The following SLCO2A1 variants were observed in gnomAD, a reference collection of about 807,000 sequenced individuals.
SLCO2A1 encodes solute carrier organic anion transporter family member 2A1.
In SLCO2A1, 60 loss-of-function variants were observed where a neutral mutation model predicts 71.7. The ratio of observed to expected loss-of-function variants is 0.84; its 90% CI spans 0.68 to 1.04. SLCO2A1 has a LOEUF of 1.04. Among genes scored for constraint, SLCO2A1 ranks in the 50% least tolerant of loss-of-function variants. SLCO2A1 has a pLI of 0.00. For missense variants in SLCO2A1, 745 were observed against 813.4 expected (o/e 0.92, Z 1.02); for synonymous variants, 308 against 326.7 (o/e 0.94, Z 0.62).
At position 133,984,254 on chromosome 3, in the gene SLCO2A1, C is replaced by T. The variant is rs534875590; in HGVS notation, c.97-4636G>A. 7.6e-4 allele frequency among the ~76,000 whole-genome samples: 115 copies of T among 152,286 alleles called. 2 individuals carry two copies. The South Asian group carries it at 0.021, about 27-fold the overall frequency. ...ACAGAAATTCCCCCACTTTCTCCCC[C>T]GTGCTACTGGGTGAAAGACTCTAGC... is the stretch of plus-strand genomic sequence containing the variant. On this transcript the variant is annotated intron_variant, in intron 1 of 13. Transcript: ENST00000310926.
chr3:133,994,272 T>C (rs905022206), intron 1 of SLCO2A1, among the ~76,000 whole-genome samples: 1 of 152,210 alleles, frequency 6.6e-6, no homozygotes, highest in African/African-American at 2.4e-5. Context: ...TTGTTTACAG[T>C]TGAGGCACTG....
chr3:133,964,938 G>A (rs988513998), intron 3 of SLCO2A1, among the ~76,000 whole-genome samples: 4 of 152,184 alleles, frequency 2.6e-5, no homozygotes, highest in Admixed American at 2.0e-4. Context: ...CTCATCATCA[G>A]AGCTGGTTCT....
chr3:133,966,205 G>GGATAGCAATAGATATCT (rs1934161486), intron 3 of SLCO2A1, among the ~76,000 whole-genome samples: 1 of 152,200 alleles, frequency 6.6e-6, no homozygotes, highest in Admixed American at 6.5e-5. Flanking sequence ...TATCTATTGG[G>GGATAGCAATAGATATCT]AAGGGGAACT....
At chr3:133,991,022 A>G (rs1280155628) in intron 1 of SLCO2A1, among the ~76,000 whole-genome samples, 1 of 152,168 alleles carries the variant, frequency 6.6e-6, no homozygotes, top group Non-Finnish European at 1.5e-5. Flanking sequence ...AGGCAGGAGA[A>G]TCGCTTAAAC....
intron 5 of SLCO2A1, among the ~76,000 whole-genome samples, chr3:133,952,700 G>A (rs34193075): frequency 0.39 from 59,582 of 152,078 alleles, 12,006 homozygotes; most frequent in African/African-American, 0.46. Context: ...TGAAGAATAC[G>A]AACTCATACT....
intron 1 of SLCO2A1, among the ~76,000 whole-genome samples, chr3:133,980,331 C>A (rs533258824): frequency 1.3e-5 from 2 of 152,300 alleles, no homozygotes; most frequent in East Asian, 3.9e-4. Context: ...CCATTTATCT[C>A]TGTATCTCAC....
chr3:133,942,717 C>T lies in SLCO2A1; in HGVS notation c.1513G>A (p.Gly505Arg), dbSNP rs1484244746. 1 of 1,613,010 alleles carries T rather than the reference C, an allele frequency of 6.2e-7. No homozygotes were observed. Among genetic ancestry groups the T allele is most frequent in the South Asian group, 1.1e-5 (1 of 90,894 alleles). The stretch of plus-strand genomic sequence containing the variant: ...TGGGCACAGGGGACAGGGCACGATC[C>T]TGTCTTTGCTGAAGCGGATCCCCCG... ...VTGGSASAKT[G>R]SCPVPCAHFL... is the part of the protein sequence containing the mutation. The change falls in exon 11 of 14, where the codon GGA (glycine) becomes AGA (arginine). Residue 505 changes from glycine to arginine, a missense_variant. Transcript: ENST00000310926.
At chr3:134,001,789 G>A (rs566287471) in intron 1 of SLCO2A1, among the ~76,000 whole-genome samples, 89 of 152,278 alleles carry the variant, frequency 5.8e-4, no homozygotes, top group African/African-American at 2.1e-3. Flanking sequence ...ACATGCAGAG[G>A]TCAAGGCAGG....
rs1031929476 is a variant in SLCO2A1, at chr3:134,029,813, G to C, written c.-11C>G. 1 of 1,413,238 alleles carries C rather than the reference G, an allele frequency of 7.1e-7. No individual in the cohort carries two copies. The highest frequency in any genetic ancestry group is 3.1e-5 in the Admixed American group (1 of 32,170). The allele number at this position is 1,413,238 out of a possible 1,614,324, so 87.5% of individuals were successfully genotyped here. A position where few individuals can be genotyped will look rare whatever the true frequency, so the allele number is the denominator to read the frequency against. On this transcript the variant is annotated 5_prime_UTR_variant, in exon 1 of 14. Transcript: ENST00000310926. ...GGGCAGGAGCCCCATGGCTGCGGGCGGCTGGCCGGGCGCGGAGTGGCGCGG... is the reference window on the plus strand; with the variant it reads ...GGGCAGGAGCCCCATGGCTGCGGGCCGCTGGCCGGGCGCGGAGTGGCGCGG...
At chr3:133,942,871 C>T (rs1576426848) in intron 10 of SLCO2A1, 103 bp from the exon 11 acceptor site, 1 of 1,242,946 alleles carries the variant, frequency 8.0e-7, no homozygotes, top group East Asian at 2.7e-5. Context: ...GAGGTTTCAA[C>T]CCTTGTGTCC....
In SLCO2A1 at chr3:133,979,629, A is replaced by T. The variant is rs765077952; in HGVS notation, c.97-11T>A. The T allele has an allele frequency of 1.2e-6, 2 of 1,601,640 alleles. No individual in the cohort carries two copies. The highest frequency in any genetic ancestry group is 4.5e-5 in the East Asian group (2 of 44,552). On this transcript the variant is annotated splice_polypyrimidine_tract_variant and intron_variant, in intron 1 of 13. Coordinates refer to ENST00000310926, the MANE Select transcript of SLCO2A1 (RefSeq NM_005630.3). ...GCAGAGCACAAACACCTGGGGGAAG[A>T]GTGATGGGCCCGTGAGGTTTCTGGA...
chr3:133,937,891 C>T (rs539098856), intron 12 of SLCO2A1, among the ~76,000 whole-genome samples: 1 of 152,336 alleles, frequency 6.6e-6, no homozygotes, highest in Middle Eastern at 3.4e-3. Context: ...CTGCCTCAAG[C>T]AGCTCGCTCT....
intron 1 of SLCO2A1, among the ~76,000 whole-genome samples, chr3:134,026,610 T>C (rs1366634595): frequency 6.6e-6 from 1 of 152,030 alleles, no homozygotes; most frequent in East Asian, 1.9e-4. Context: ...CAGACCCCCA[T>C]TTACGTGATC....
intron 1 of SLCO2A1, among the ~76,000 whole-genome samples, chr3:134,007,893 A>G (rs1340974420): frequency 6.6e-6 from 1 of 152,184 alleles, no homozygotes; most frequent in East Asian, 1.9e-4. Context: ...TTTCACCTAA[A>G]GATTTCACTT....
rs765173200 is a variant in SLCO2A1 at position 133,948,720 on chromosome 3, A to G, written c.941-20T>C. The G allele has an allele frequency of 6.2e-7, 1 of 1,610,776 alleles. No individual in the cohort carries two copies. Among genetic ancestry groups the G allele is most frequent in the East Asian group, 2.2e-5 (1 of 44,846 alleles). On this transcript the variant is annotated intron_variant, in intron 7 of 13. Coordinates refer to ENST00000310926, the MANE Select transcript of SLCO2A1 (RefSeq NM_005630.3). Reference sequence around the variant, plus strand: ...GAAACCCTGTGAACAGACCGCTGTCAAGGCTCTGGCAGAACCCCTGGGCTG... The same window carrying G: ...GAAACCCTGTGAACAGACCGCTGTCGAGGCTCTGGCAGAACCCCTGGGCTG...
At chr3:133,940,542 C>G (rs4241359) in intron 11 of SLCO2A1, among the ~76,000 whole-genome samples, 63,644 of 151,946 alleles carry the variant, frequency 0.42, 13,563 homozygotes, top group Non-Finnish European at 0.45. Flanking sequence ...TGCTGCATAG[C>G]GACTTGCCAG....
At chr3:134,007,212 A>G (rs531865438) in intron 1 of SLCO2A1, among the ~76,000 whole-genome samples, 1 of 152,278 alleles carries the variant, frequency 6.6e-6, no homozygotes, top group African/African-American at 2.4e-5. Flanking sequence ...TATATTCTGG[A>G]TATTCATCTT....
rs192178882 is a variant in SLCO2A1, at chr3:133,990,041, G to T, written c.97-10423C>A. The stretch of plus-strand genomic sequence containing the variant: ...TTCTTGTGTTTTCCGTGGGGTAAAG[G>T]GCTGTTCTATCTTAATCCCTTAATC... On this transcript the variant is annotated intron_variant, in intron 1 of 13. Transcript: ENST00000310926. Among the ~76,000 whole-genome samples, 28 of 152,298 alleles carry T rather than the reference G, an allele frequency of 1.8e-4. No individual in the cohort carries two copies. The South Asian group carries it at 2.5e-3, about 14-fold the overall frequency.
intron 3 of SLCO2A1, among the ~76,000 whole-genome samples, chr3:133,957,599 C>T (rs1005954809): frequency 2.0e-5 from 3 of 152,170 alleles, no homozygotes; most frequent in Admixed American, 1.3e-4. Context: ...AAGATTTCCT[C>T]CATCCCTAGC....
Sources: allele counts gnomAD v4.1 joint callset (sites outside exome capture counted in the v4.1 genomes callset), GRCh38; gene constraint gnomAD v4.1.1; transcripts MANE v1.5; gene names NCBI Gene and HGNC (gene_info 2026-07-23, HGNC 2026-07-21).